Variants in CFAP157 observed in about 807,000 individuals in gnomAD.
CFAP157 encodes cilia- and flagella-associated protein 157.
CFAP157 carries 43 observed loss-of-function variants against 57.8 expected under a neutral mutation model. The ratio of observed to expected loss-of-function variants is 0.74; its 90% CI spans 0.58 to 0.96. The LOEUF (loss-of-function observed/expected upper bound fraction) is 0.96. Ranked by LOEUF, CFAP157 falls within the 40% of genes least tolerant of loss-of-function variation. The pLI is 0.00. For missense variants in CFAP157, 606 were observed against 655.3 expected, an observed-to-expected ratio of 0.92 and a Z score of 0.82; for synonymous variants, 267 against 269.0, an observed-to-expected ratio of 0.99 and a Z score of 0.07.
chr9:127,707,067 G>A lies in CFAP157; in HGVS notation c.36G>A (p.Lys12=). The change falls in exon 1 of 9, where the codon AAG becomes AAA. Residue 12 remains lysine, a synonymous_variant. Coordinates refer to ENST00000373295, the MANE Select transcript of CFAP157 (RefSeq NM_001012502.3). ...AAAAGAGTGTGAGCAAGGCAGGCAA[G>A]GAGCTTGAAGTCAAGAAGAAAGGGG... ...APKKSVSKAG[K]ELEVKKKGGK... The A allele has an allele frequency of 6.2e-7, 1 of 1,614,022 alleles. No individual in the cohort carries two copies. Among genetic ancestry groups the A allele is most frequent in the Non-Finnish European group, 8.5e-7 (1 of 1,180,010 alleles).
Position 127,707,171 on chromosome 9 carries a change from ACCT to A in CFAP157, c.141_143del (p.Asp47_Leu48delinsGlu). ...GAGTTCTACCACATCCAGATCCGAG[ACCT>A]GGAGGACCGGCTAGCCCGGTGCGTG... On this transcript the variant is annotated inframe_deletion, in exon 1 of 9. Transcript: ENST00000373295. The A allele has an allele frequency of 6.2e-7, 1 of 1,612,942 alleles. No homozygotes were observed. Among genetic ancestry groups the A allele is most frequent in the Non-Finnish European group, 8.5e-7 (1 of 1,179,916 alleles).
At position 127,713,058 on chromosome 9, in the gene CFAP157, T is replaced by C. The variant is rs1403574171; in HGVS notation, c.1343T>C (p.Leu448Pro). The stretch of plus-strand genomic sequence containing the variant: ...CAGCTGCCCAGGACTGGGTCTCTGC[T>C]GCCGCAGCTCTCTGACATCACCCCC... ...SIQLPRTGSL[L>P]PQLSDITPYQ... Residue 448 changes from leucine (L) to proline (P), a missense_variant, in exon 8 of 9, where the codon CTG becomes CCG. By Grantham distance (98) the Leu-to-Pro change is moderately conservative. Coordinates refer to ENST00000373295, the MANE Select transcript of CFAP157 (RefSeq NM_001012502.3). 10 of 1,613,930 alleles carry C rather than the reference T, an allele frequency of 6.2e-6. No individual in the cohort carries two copies. Among genetic ancestry groups the C allele is most frequent in the Non-Finnish European group, 6.8e-6 (8 of 1,179,944 alleles).
rs1209574143 is a variant in CFAP157 at position 127,712,247 on chromosome 9, T to C, written c.1035T>C (p.Asp345=). Residue 345 remains aspartate (D), a synonymous_variant, in exon 6 of 9, where the codon GAT becomes GAC. Transcript: ENST00000373295. ...LSLQLEQQQV[D]LQRLQQELAN... is the part of the protein sequence containing the mutation. ...TGCAGCTGGAGCAGCAGCAGGTGGA[T>C]TTGCAGCGGCTACAGCAGGAACTGG... 6.2e-7 allele frequency: 1 copy of C among 1,613,862 alleles called. No homozygotes were observed. The highest frequency in any genetic ancestry group is 1.3e-5 in the African/African-American group (1 of 74,906).
intron 3 of CFAP157, among the ~76,000 whole-genome samples, chr9:127,711,008 A>C (rs991073181): frequency 6.6e-6 from 1 of 152,170 alleles, no homozygotes; most frequent in Non-Finnish European, 1.5e-5. Context: ...TATTGGGATT[A>C]AATCATGTTA....
In CFAP157 at chr9:127,715,049, A is replaced by C. The variant is rs1435717103; in HGVS notation, c.*1144A>C. The C allele has an allele frequency of 1.3e-6, 2 of 1,518,438 alleles. No individual in the cohort carries two copies. Among genetic ancestry groups the C allele is most frequent in the Non-Finnish European group, 8.8e-7 (1 of 1,141,106 alleles). 94.1% of individuals were successfully genotyped at this position (1,518,438 alleles called of 1,614,324 possible). A position where few individuals can be genotyped will look rare whatever the true frequency, so the allele number is the denominator to read the frequency against. ...GAGCAGGACCAGTTGGGCATCCCCC[A>C]GCGGGGCCAGGGCGAGGTCGGCGGC... is the stretch of plus-strand genomic sequence containing the variant. On this transcript the variant is annotated 3_prime_UTR_variant, in exon 9 of 9. Transcript: ENST00000373295. This position sits in a 1 kb window ranked among gnomAD's most constrained non-coding sequence, Gnocchi z 5.8.
intron 1 of CFAP157, among the ~76,000 whole-genome samples, chr9:127,708,294 T>C (rs1357400860): frequency 6.6e-6 from 1 of 152,010 alleles, no homozygotes; most frequent in Non-Finnish European, 1.5e-5. Context: ...CTGACCAACA[T>C]GTTGAAGCCC....
At position 127,709,614 on chromosome 9, in the gene CFAP157, C is replaced by T. The variant is rs1225067620; in HGVS notation, c.354C>T (p.Ala118=). ...TAGCCAAAGAGATGGAGAAGGATGC[C>T]TTCGAGGCGCAGCTGGCCCAGGTGC... ...LQLAKEMEKD[A]FEAQLAQVRH... Residue 118 remains alanine, a synonymous_variant, in exon 2 of 9, where the codon GCC becomes GCT. Transcript: ENST00000373295. This position sits in a 1 kb window ranked among gnomAD's most constrained non-coding sequence, Gnocchi z 4.7. 2 of 1,613,812 alleles carry T rather than the reference C, an allele frequency of 1.2e-6. No homozygotes were observed. The highest frequency in any genetic ancestry group is 1.7e-6 in the Non-Finnish European group (2 of 1,180,038).
Position 127,715,965 on chromosome 9 carries a change from G to T in CFAP157, c.*2060G>T, listed in dbSNP as rs1236595287. 2.2e-6 allele frequency: 2 copies of T among 895,428 alleles called. No homozygotes were observed. Among genetic ancestry groups the T allele is most frequent in the African/African-American group, 1.7e-5 (1 of 60,142 alleles). 55.5% of individuals were successfully genotyped at this position (895,428 alleles called of 1,614,324 possible). On this transcript the variant is annotated 3_prime_UTR_variant, in exon 9 of 9. Transcript: ENST00000373295. This position sits in a 1 kb window ranked among gnomAD's most constrained non-coding sequence, Gnocchi z 5.8. ...CTGGCAAGTCCTTTCCCCGCTGTAG[G>T]CCTCAACCTCTCCAGCTAATAAAAG...
rs934742950 is a variant in CFAP157, at chr9:127,707,028, A to C, written c.-4A>C. The C allele has an allele frequency of 6.2e-7, 1 of 1,613,204 alleles. No homozygotes were observed. Among genetic ancestry groups the C allele is most frequent in the Non-Finnish European group, 8.5e-7 (1 of 1,179,592 alleles). On this transcript the variant is annotated 5_prime_UTR_variant, in exon 1 of 9. Coordinates refer to ENST00000373295, the MANE Select transcript of CFAP157 (RefSeq NM_001012502.3). ...GGGGCCTGGAGCCCTGGTTGCCATC[A>C]GCCATGGCTCCCAAAAAGAGTGTGA...
intron 4 of CFAP157, 146 bp downstream of exon 4, chr9:127,711,642 G>C (rs1842767449): frequency 4.1e-6 from 5 of 1,209,400 alleles, no homozygotes; most frequent in Non-Finnish European, 5.7e-6. Flanking sequence ...GGGGGCTGCA[G>C]GGTGCTGGGC....
chr9:127,715,824 G>A lies in CFAP157; in HGVS notation c.*1919G>A. ...TCCGGGAACCCAGGCGCCTTCAGTA[G>A]CGCGGCGTCACAGTGTCCCTTCGGG... On this transcript the variant is annotated 3_prime_UTR_variant, in exon 9 of 9. Coordinates refer to ENST00000373295, the MANE Select transcript of CFAP157 (RefSeq NM_001012502.3). This position sits in a 1 kb window ranked among gnomAD's most constrained non-coding sequence, Gnocchi z 5.8. 1 of 1,195,570 alleles carries A rather than the reference G, an allele frequency of 8.4e-7. No homozygotes were observed. The highest frequency in any genetic ancestry group is 1.2e-6 in the Non-Finnish European group (1 of 859,768). The allele number at this position is 1,195,570 out of a possible 1,614,324, so 74.1% of individuals were successfully genotyped here.
At chr9:127,713,594 C>A in intron 8 of CFAP157, 1 of 431,092 alleles carries the variant, frequency 2.3e-6, no homozygotes, top group East Asian at 4.7e-5. Flanking sequence ...GCAACCTCCG[C>A]CTCCCAGGTT....
rs757513846 is a variant in CFAP157, at chr9:127,714,418, G to A, written c.*513G>A. The A allele has an allele frequency of 1.5e-5, 24 of 1,614,186 alleles. No homozygotes were observed. Among genetic ancestry groups the A allele is most frequent in the Non-Finnish European group, 1.9e-5 (23 of 1,180,012 alleles). On this transcript the variant is annotated 3_prime_UTR_variant, in exon 9 of 9. Coordinates refer to ENST00000373295, the MANE Select transcript of CFAP157 (RefSeq NM_001012502.3). ...AGCTAATGCAGGAACGGACTCCATT[G>A]TGGCCCCTTCAAGGGATATGGGAGG...
Position 127,709,368 on chromosome 9 carries a change from G to C in CFAP157, c.162-54G>C, listed in dbSNP as rs1842711836. 6 of 1,576,810 alleles carry C rather than the reference G, an allele frequency of 3.8e-6. No homozygotes were observed. The highest frequency in any genetic ancestry group is 5.2e-6 in the Non-Finnish European group (6 of 1,159,220). ...CAGGAGAGTGGGCCCAGCTGCACCA[G>C]AGGCCTGGCTTGCCCAGCCTGACCC... On this transcript the variant is annotated intron_variant, in intron 1 of 8. Transcript: ENST00000373295. The surrounding 1 kb of genome is among the most constrained non-coding windows in gnomAD (Gnocchi z 4.7).
Position 127,713,075 on chromosome 9 carries a change from A to C in CFAP157, c.1360A>C (p.Ile454Leu). 6.2e-7 allele frequency: 1 copy of C among 1,613,876 alleles called. No individual in the cohort carries two copies. Among genetic ancestry groups the C allele is most frequent in the Admixed American group, 1.7e-5 (1 of 59,958 alleles). ...TGSLLPQLSD[I>L]TPYQPGDLGL... ...GTCTCTGCTGCCGCAGCTCTCTGAC[A>C]TCACCCCCTACCAGCCGGGGGATCT... Residue 454 changes from isoleucine (I) to leucine (L), a missense_variant, in exon 8 of 9, where the codon ATC becomes CTC. Transcript: ENST00000373295.
Position 127,715,243 on chromosome 9 carries a change from C to G in CFAP157, c.*1338C>G. 6.6e-7 allele frequency: 1 copy of G among 1,507,628 alleles called. No individual in the cohort carries two copies. Among genetic ancestry groups the G allele is most frequent in the Non-Finnish European group, 8.9e-7 (1 of 1,121,664 alleles). The allele number at this position is 1,507,628 out of a possible 1,614,324, so 93.4% of individuals were successfully genotyped here. On this transcript the variant is annotated 3_prime_UTR_variant, in exon 9 of 9. Coordinates refer to ENST00000373295, the MANE Select transcript of CFAP157 (RefSeq NM_001012502.3). The surrounding 1 kb of genome is among the most constrained non-coding windows in gnomAD (Gnocchi z 5.8). Reference sequence around the variant, plus strand: ...GAGGCCCAACAACTCTCGCCACCCCCGATCTCACAGCGTCCCGTGGGCCCC... The same window carrying G: ...GAGGCCCAACAACTCTCGCCACCCCGGATCTCACAGCGTCCCGTGGGCCCC...
chr9:127,711,296 C>A lies in CFAP157; in HGVS notation c.655C>A (p.Arg219=), dbSNP rs1044007610. The A allele has an allele frequency of 1.2e-6, 2 of 1,614,028 alleles. No individual in the cohort carries two copies. Among genetic ancestry groups the A allele is most frequent in the African/African-American group, 2.7e-5 (2 of 74,928 alleles). ...TGAGTTCCACAAGGTGACCACGAACCGGATGTGGGAGACAACCAAGCGGGC... is the reference window on the plus strand; with the variant it reads ...TGAGTTCCACAAGGTGACCACGAACAGGATGTGGGAGACAACCAAGCGGGC... ...ANEFHKVTTN[R]MWETTKRAIK... Residue 219 remains arginine (R), a synonymous_variant, in exon 4 of 9, where the codon CGG becomes AGG. Transcript: ENST00000373295.
chr9:127,711,430 CA>C lies in CFAP157; in HGVS notation c.792del (p.Lys264AsnfsTer27). On this transcript the variant is annotated frameshift_variant, in exon 4 of 9. Transcript: ENST00000373295. LOFTEE classifies it high-confidence loss of function. ...TCAAGGGAAGACAGAACAATCTGTG[CA>C]AACAGCTGGAGCTGCTGGAGAACAC... The part of the protein sequence containing the change: ...QLKGRQNNLC[K>X]QLELLENTQK... 1 of 1,614,124 alleles carries C rather than the reference CA, an allele frequency of 6.2e-7. No individual in the cohort carries two copies. The highest frequency in any genetic ancestry group is 1.1e-5 in the South Asian group (1 of 91,092).
chr9:127,713,220 G>A lies in CFAP157; in HGVS notation c.1491+14G>A, dbSNP rs778367256. ...AGCAGCCCTGAGGTGAGGGTGCCAGGGGCCCCAGGGAAAGCAAGGTGGCAG... is the reference window on the plus strand; with the variant it reads ...AGCAGCCCTGAGGTGAGGGTGCCAGAGGCCCCAGGGAAAGCAAGGTGGCAG... On this transcript the variant is annotated intron_variant, in intron 8 of 8. Transcript: ENST00000373295. 4 of 1,515,722 alleles carry A rather than the reference G, an allele frequency of 2.6e-6. No homozygotes were observed. The Admixed American group carries it at 6.7e-5, about 26-fold the overall frequency. 93.9% of individuals were successfully genotyped at this position (1,515,722 alleles called of 1,614,324 possible).
Sources: allele counts gnomAD v4.1 joint callset (sites outside exome capture counted in the v4.1 genomes callset), GRCh38; gene constraint gnomAD v4.1.1; non-coding constraint Gnocchi (gnomAD v3.1); transcripts MANE v1.5; gene names NCBI Gene and HGNC (gene_info 2026-07-23, HGNC 2026-07-21).